HDAC9: variants seen among roughly 807,000 people sequenced by gnomAD.
HDAC9 encodes the protein histone deacetylase 9, also known as MEF-2 interacting transcription repressor (MITR) protein.
A neutral mutation model predicts 139.4 loss-of-function variants in HDAC9; 41 were observed. That is an observed-to-expected ratio of 0.29 (90% CI 0.23 to 0.38). The LOEUF (loss-of-function observed/expected upper bound fraction) is 0.38. HDAC9 is among the 10% of genes least tolerant of loss of function. The pLI, the probability that HDAC9 is intolerant of heterozygous loss-of-function variation, is 1.00. For synonymous variants in HDAC9, 517 were observed against 476.2 expected (o/e 1.09, Z -1.12); for missense variants, 1,147 against 1,297.0 (o/e 0.88, Z 1.78).
intron 1 of HDAC9, among the ~76,000 whole-genome samples, chr7:18,089,986 A>C (rs373224099): frequency 1.1e-4 from 17 of 152,170 alleles, no homozygotes; most frequent in African/African-American, 4.1e-4. Context: ...TTACTGCTTG[A>C]AGCCTTTTGC....
chr7:18,359,071 T>G (rs1431559441), intron 1 of HDAC9, among the ~76,000 whole-genome samples: 1 of 152,176 alleles, frequency 6.6e-6, no homozygotes, highest in East Asian at 1.9e-4. Context: ...ATTGGGGCAG[T>G]GAGGCCGGGC....
intron 1 of HDAC9, among the ~76,000 whole-genome samples, chr7:18,445,943 G>A (rs188848273): frequency 1.3e-5 from 2 of 152,202 alleles, no homozygotes; most frequent in African/African-American, 4.8e-5. Context: ...AGGATTGTGC[G>A]TGAGCTGCTG....
At chr7:18,181,383 A>T (rs1488918832) in intron 2 of HDAC9, among the ~76,000 whole-genome samples, 2 of 152,206 alleles carry the variant, frequency 1.3e-5, no homozygotes, top group Non-Finnish European at 2.9e-5. Context: ...ATACAGAATA[A>T]ATGCTAAAAT....
chr7:18,359,253 C>A (rs1783580034), intron 1 of HDAC9, among the ~76,000 whole-genome samples: 1 of 152,092 alleles, frequency 6.6e-6, no homozygotes, highest in South Asian at 2.1e-4. Flanking sequence ...GAGGCTGAGG[C>A]AGGAGAATCA....
chr7:18,112,198 C>G (rs1783662165), intron 1 of HDAC9, among the ~76,000 whole-genome samples: 2 of 152,126 alleles, frequency 1.3e-5, no homozygotes, highest in Admixed American at 1.3e-4. Flanking sequence ...CCGCACATTT[C>G]TTTTCAAGTC....
At chr7:18,312,681 T>A (rs1357817490) in intron 1 of HDAC9, among the ~76,000 whole-genome samples, 1 of 152,164 alleles carries the variant, frequency 6.6e-6, no homozygotes, top group Non-Finnish European at 1.5e-5. Context: ...CAGGGACTGA[T>A]AAAGATCAAA....
intron 23 of HDAC9, among the ~76,000 whole-genome samples, chr7:18,950,112 T>G (rs1279623590): frequency 1.4e-5 from 2 of 147,776 alleles, no homozygotes; most frequent in Non-Finnish European, 3.0e-5. Context: ...CAAATTGGAT[T>G]AAAGATTAAT....
chr7:18,554,460 G>A lies in HDAC9; in HGVS notation c.23-30821G>A, dbSNP rs569321326. Among the ~76,000 whole-genome samples, 720 of 150,484 alleles carry A rather than the reference G, an allele frequency of 4.8e-3. 3 individuals are homozygous for A. The highest frequency in any genetic ancestry group is 5.5e-3 in the Non-Finnish European group (371 of 67,682). On this transcript the variant is annotated intron_variant, in intron 2 of 25. Transcript: ENST00000686413. ...ACGCCATTCTCCTGCCTCAGCCTCC[G>A]GAGTAGCTGGGACTACAGGCGCCCG...
intron 12 of HDAC9, among the ~76,000 whole-genome samples, chr7:18,711,565 G>A (rs768769971): frequency 1.3e-5 from 2 of 152,140 alleles, no homozygotes; most frequent in Non-Finnish European, 2.9e-5. Flanking sequence ...GCTCAGTTGA[G>A]AGCCACCAAT....
chr7:18,910,433 C>G (rs1439247689), intron 22 of HDAC9, among the ~76,000 whole-genome samples: 1 of 151,816 alleles, frequency 6.6e-6, no homozygotes, highest in African/African-American at 2.4e-5. Context: ...TTTGTCAATT[C>G]AAGGAATTCT....
intron 12 of HDAC9, among the ~76,000 whole-genome samples, chr7:18,705,852 C>CAAAA (rs376206693): frequency 0.014 from 1,139 of 80,972 alleles, 73 homozygotes; most frequent in East Asian, 0.032. Flanking sequence ...GACTCTGTCT[C>CAAAA]AAAAAAAAAA....
intron 1 of HDAC9, among the ~76,000 whole-genome samples, chr7:18,088,389 T>A (rs1781932906): frequency 6.6e-6 from 1 of 152,214 alleles, no homozygotes; most frequent in African/African-American, 2.4e-5. Context: ...ATTACAAGTA[T>A]TCAGAGCACT....
intron 22 of HDAC9, among the ~76,000 whole-genome samples, chr7:18,900,138 T>A (rs1801562895): frequency 6.6e-6 from 1 of 152,156 alleles, no homozygotes; most frequent in Non-Finnish European, 1.5e-5. Flanking sequence ...ATACAAGAAT[T>A]TTGCTTTAAT....
intron 2 of HDAC9, among the ~76,000 whole-genome samples, chr7:18,530,472 G>T (rs1255434513): frequency 6.6e-6 from 1 of 152,018 alleles, no homozygotes; most frequent in African/African-American, 2.4e-5. Flanking sequence ...TACTTCTAAT[G>T]CTGTGTAGCT....
At chr7:18,590,551 C>A in intron 4 of HDAC9, 65 bp downstream of exon 4, 3 of 1,479,992 alleles carry the variant, frequency 2.0e-6, no homozygotes, top group Non-Finnish European at 2.7e-6. Context: ...TTATTCAGAA[C>A]AAAGCCTGAT....
Position 18,762,106 on chromosome 7 carries a change from C to A in HDAC9, c.2044-51C>A. The A allele has an allele frequency of 1.9e-6, 3 of 1,608,068 alleles. No individual in the cohort carries two copies. The Admixed American group carries it at 5.0e-5, about 27-fold the overall frequency. ...TAAATGTGACTTGGGGTCTCATTTT[C>A]TTCTAAATGTTGTCAGTGGTGTACT... On this transcript the variant is annotated intron_variant, in intron 14 of 25. Transcript: ENST00000686413.
At chr7:18,417,861 T>C (rs1341315840) in intron 1 of HDAC9, among the ~76,000 whole-genome samples, 2 of 152,274 alleles carry the variant, frequency 1.3e-5, no homozygotes, top group Non-Finnish European at 2.9e-5. Flanking sequence ...TAGAGATCTT[T>C]TATAGATTTT....
Position 18,875,687 on chromosome 7 carries a change from T to C in HDAC9, c.2803+1091T>C, listed in dbSNP as rs187643991. Among the ~76,000 whole-genome samples the C allele has an allele frequency of 1.5e-4, 23 of 152,292 alleles. 1 individual carries two copies. Among genetic ancestry groups the C allele is most frequent in the Admixed American group, 9.2e-4 (14 of 15,278 alleles). ...ACAAACAAAGCAAAATAATTCATGATTTTGGTAAAATTGAATAGAGAGGTG... is the reference window on the plus strand; with the variant it reads ...ACAAACAAAGCAAAATAATTCATGACTTTGGTAAAATTGAATAGAGAGGTG... On this transcript the variant is annotated intron_variant, in intron 22 of 25. Coordinates refer to ENST00000686413, the MANE Select transcript of HDAC9 (RefSeq NM_178425.4).
At position 18,863,327 on chromosome 7, in the gene HDAC9, ACCCATGG is replaced by A. The variant is rs1585177678; in HGVS notation, c.2685-11143_2685-11137del. ...CATGTGCTAGACTTTAGCTTGTCCA[ACCCATGG>A]CCCATGGGCCACATGGGGCCCAGGA... On this transcript the variant is annotated intron_variant, in intron 21 of 25. Coordinates refer to ENST00000686413, the MANE Select transcript of HDAC9 (RefSeq NM_178425.4). Among the ~76,000 whole-genome samples the A allele has an allele frequency of 3.9e-5, 6 of 152,104 alleles. 1 individual carries two copies. The highest frequency in any genetic ancestry group is 3.9e-4 in the Admixed American group (6 of 15,272).
Sources: gnomAD v4.1 joint callset for allele counts (sites outside exome capture counted in the v4.1 genomes callset) on GRCh38, gnomAD v4.1.1 for gene constraint, MANE v1.5 for transcripts, NCBI Gene and HGNC (gene_info 2026-07-23, HGNC 2026-07-21) for gene names.